PKD2L1: variants seen among roughly 807,000 people sequenced by gnomAD.
PKD2L1 encodes polycystin-2-like protein 1.
Under a neutral mutation model 93.0 loss-of-function variants are expected in PKD2L1, and 77 were observed. The observed-to-expected ratio is 0.83, with a 90% CI of 0.69 to 1.00. The LOEUF (loss-of-function observed/expected upper bound fraction) is 1.00, where lower values mean the gene tolerates loss of function less well. PKD2L1 is among the 50% of genes least tolerant of loss of function. The probability of loss-of-function intolerance (pLI) is 0.00; values close to 1 mark genes in which losing one functional copy is unlikely to be tolerated. For synonymous variants in PKD2L1, 390 were observed against 388.0 expected (o/e 1.01, Z -0.06); for missense variants, 977 against 990.9 (o/e 0.99, Z 0.19).
At chr10:100,312,615 A>T (rs1467574215) in intron 2 of PKD2L1, among the ~76,000 whole-genome samples, 6 of 152,160 alleles carry the variant, frequency 3.9e-5, no homozygotes, top group Admixed American at 3.9e-4. Context: ...ATAGGAGTAG[A>T]GGACAGGGCA....
At chr10:100,321,749 AAGAAAGAAG>A (rs1849247256) in intron 2 of PKD2L1, among the ~76,000 whole-genome samples, 1 of 9,630 alleles carries the variant, frequency 1.0e-4, no homozygotes, top group Non-Finnish European at 2.4e-4. Flanking sequence ...GAAAGAAAGA[AAGAAAGAAG>A]GGAGGGAGGG....
intron 9 of PKD2L1, 29 bp from the exon 10 acceptor site, chr10:100,293,408 T>C: frequency 5.1e-6 from 7 of 1,363,848 alleles, no homozygotes; most frequent in Non-Finnish European, 5.3e-6. Context: ...ACCTGGGTCC[T>C]CACCCCCAGA....
In PKD2L1 at chr10:100,294,646, C is replaced by G; in HGVS notation, c.1548G>C (p.Gln516His). ...CAAAGTCCCCGAGGATTATCCGGAA[C>G]TGAGTGAAACTGAGAGACCAGGTCT... The part of the protein sequence containing the change: ...FSTFIKCIFT[Q>H]FRIILGDFDY... The change falls in exon 9 of 16, where the codon CAG (glutamine) becomes CAC (histidine). Residue 516 changes from glutamine (Q) to histidine (H), a missense_variant. Coordinates refer to ENST00000318222, the MANE Select transcript of PKD2L1 (RefSeq NM_016112.3). 6.2e-7 allele frequency: 1 copy of G among 1,614,142 alleles called. No individual in the cohort carries two copies. Among genetic ancestry groups the G allele is most frequent in the Non-Finnish European group, 8.5e-7 (1 of 1,180,034 alleles).
intron 7 of PKD2L1, 142 bp from the exon 8 acceptor site, chr10:100,295,265 T>A: frequency 1.5e-6 from 1 of 652,196 alleles, no homozygotes; most frequent in Non-Finnish European, 2.7e-6. Context: ...GGGAGAATGA[T>A]ACAAAAATTA....
At chr10:100,300,482 G>A (rs1378638015) in intron 2 of PKD2L1, among the ~76,000 whole-genome samples, 1 of 152,156 alleles carries the variant, frequency 6.6e-6, no homozygotes, top group Non-Finnish European at 1.5e-5. Flanking sequence ...GTGCCAGTAG[G>A]GCTGTAGGGA....
Position 100,293,070 on chromosome 10 carries a change from C to G in PKD2L1, c.1759-1G>C, listed in dbSNP as rs200127359. ...GTCTTAGTAGGGTCTTGTTGTAGCC[C>G]TGAAAGGGAAAGGAAATAGGCACAA... is the stretch of plus-strand genomic sequence containing the variant. On this transcript the variant is annotated splice_acceptor_variant, in intron 10 of 15. Transcript: ENST00000318222. LOFTEE classifies it high-confidence loss of function. The G allele has an allele frequency of 6.3e-5, 102 of 1,613,432 alleles. No individual in the cohort carries two copies. Among genetic ancestry groups the G allele is most frequent in the Non-Finnish European group, 8.3e-5 (98 of 1,179,752 alleles).
intron 2 of PKD2L1, among the ~76,000 whole-genome samples, chr10:100,324,961 C>T (rs1025576257): frequency 1.9e-4 from 29 of 152,228 alleles, no homozygotes; most frequent in Admixed American, 1.7e-3. Flanking sequence ...ACAGCCACCC[C>T]GCTTGGTGCC....
At chr10:100,296,054 A>G (rs914849102) in intron 7 of PKD2L1, 68 bp downstream of exon 7, 36 of 1,428,982 alleles carry the variant, frequency 2.5e-5, no homozygotes, top group African/African-American at 1.3e-4. Flanking sequence ...AAAAAGAAAA[A>G]AAAGAAAAGA....
At position 100,320,686 on chromosome 10, in the gene PKD2L1, A is replaced by G. The variant is rs924057558; in HGVS notation, c.349+8525T>C. Reference sequence around the variant, plus strand: ...AGAAAAGTGTCCAACCTCATTGGTAATAAAAGGCAAGTAAATTAATGTGAG... The same window carrying G: ...AGAAAAGTGTCCAACCTCATTGGTAGTAAAAGGCAAGTAAATTAATGTGAG... On this transcript the variant is annotated intron_variant, in intron 2 of 15. Coordinates refer to ENST00000318222, the MANE Select transcript of PKD2L1 (RefSeq NM_016112.3). 2.0e-5 allele frequency among the ~76,000 whole-genome samples: 3 copies of G among 152,372 alleles called. No homozygotes were observed. In the East Asian group the frequency reaches 5.8e-4, roughly 29 times the overall value.
chr10:100,299,460 G>C, intron 3 of PKD2L1, 131 bp downstream of exon 3: 1 of 782,794 alleles, frequency 1.3e-6, no homozygotes, highest in Non-Finnish European at 2.1e-6. Flanking sequence ...CATTAATTCA[G>C]CCTGGCCCTT....
intron 12 of PKD2L1, among the ~76,000 whole-genome samples, chr10:100,291,093 T>C (rs780572905): frequency 2.0e-5 from 3 of 152,198 alleles, no homozygotes; most frequent in Non-Finnish European, 4.4e-5. Flanking sequence ...TCTGGTTTAA[T>C]TGGTCTAGAG....
At chr10:100,312,971 T>C (rs542602423) in intron 2 of PKD2L1, among the ~76,000 whole-genome samples, 1 of 151,942 alleles carries the variant, frequency 6.6e-6, no homozygotes, top group Non-Finnish European at 1.5e-5. Context: ...TCTGCAGCTA[T>C]GGTCTCTGCG....
chr10:100,307,395 A>G (rs896656897), intron 2 of PKD2L1, among the ~76,000 whole-genome samples: 4 of 152,206 alleles, frequency 2.6e-5, no homozygotes, highest in African/African-American at 4.8e-5. Flanking sequence ...GGCCAAGTCC[A>G]GTGGGTCATC....
chr10:100,292,674 G>A (rs1274590135), intron 11 of PKD2L1, among the ~76,000 whole-genome samples: 1 of 152,066 alleles, frequency 6.6e-6, no homozygotes, highest in Non-Finnish European at 1.5e-5. Flanking sequence ...GTGGGAGTGG[G>A]GTGTGTATTC....
In PKD2L1 at chr10:100,307,215, C is replaced by T. The variant is rs555894343; in HGVS notation, c.350-7497G>A. The stretch of plus-strand genomic sequence containing the variant: ...CATTTAATCCTACTACAGCCTTATG[C>T]GGTGGGTGCCAATATTATCCATGCT... On this transcript the variant is annotated intron_variant, in intron 2 of 15. Transcript: ENST00000318222. Among the ~76,000 whole-genome samples the T allele has an allele frequency of 3.3e-4, 51 of 152,314 alleles. 1 individual carries two copies. The highest frequency in any genetic ancestry group is 1.8e-4 in the Non-Finnish European group (12 of 68,032).
intron 2 of PKD2L1, among the ~76,000 whole-genome samples, chr10:100,308,508 T>C (rs1848857808): frequency 6.6e-6 from 1 of 152,074 alleles, no homozygotes; most frequent in Non-Finnish European, 1.5e-5. Context: ...CTAATTTTTG[T>C]ATTTTTAATA....
At chr10:100,322,736 C>T (rs957292365) in intron 2 of PKD2L1, among the ~76,000 whole-genome samples, 3 of 152,162 alleles carry the variant, frequency 2.0e-5, no homozygotes, top group African/African-American at 4.8e-5. Context: ...GGGTAGGGCA[C>T]GGAGTGGTCC....
At chr10:100,324,787 T>C (rs2133573936) in intron 2 of PKD2L1, among the ~76,000 whole-genome samples, 3 of 152,314 alleles carry the variant, frequency 2.0e-5, no homozygotes, top group Admixed American at 2.0e-4. Flanking sequence ...CCAATGTTTT[T>C]ATGTTTTCAT....
intron 6 of PKD2L1, among the ~76,000 whole-genome samples, chr10:100,296,543 G>T (rs80017045): frequency 0.039 from 5,872 of 152,244 alleles, 176 homozygotes; most frequent in East Asian, 0.11. Flanking sequence ...GTAAAGGGCT[G>T]TAGGGAACTG....
Sources: allele counts gnomAD v4.1 joint callset (sites outside exome capture counted in the v4.1 genomes callset), GRCh38; gene constraint gnomAD v4.1.1; transcripts MANE v1.5; gene names NCBI Gene and HGNC (gene_info 2026-07-23, HGNC 2026-07-21).